SLC24A3: variants seen among roughly 807,000 people sequenced by gnomAD.
SLC24A3 encodes sodium/potassium/calcium exchanger 3.
A neutral mutation model predicts 75.8 loss-of-function variants in SLC24A3; 28 were observed. The observed-to-expected ratio is 0.37, with a 90% CI of 0.27 to 0.51. The LOEUF (loss-of-function observed/expected upper bound fraction) is 0.51, where lower values mean the gene tolerates loss of function less well. Among genes scored for constraint, SLC24A3 ranks in the 20% least tolerant of loss-of-function variants. The probability of loss-of-function intolerance (pLI) is 0.94; values close to 1 mark genes in which losing one functional copy is unlikely to be tolerated. For synonymous variants in SLC24A3, 372 were observed against 334.1 expected (o/e 1.11, Z -1.24); for missense variants, 663 against 847.8 (o/e 0.78, Z 2.71).
intron 6 of SLC24A3, among the ~76,000 whole-genome samples, chr20:19,632,423 C>T (rs1478718884): frequency 6.6e-6 from 1 of 152,126 alleles, no homozygotes; most frequent in East Asian, 1.9e-4. Flanking sequence ...CCTTCCTTGA[C>T]TCGTGGCCTC....
At chr20:19,234,328 G>A (rs189441392) in intron 1 of SLC24A3, among the ~76,000 whole-genome samples, 9 of 152,360 alleles carry the variant, frequency 5.9e-5, no homozygotes, top group African/African-American at 1.9e-4. Context: ...AAGTTGGCAT[G>A]TATTGCCTGT....
chr20:19,528,800 G>T (rs1458418827), intron 3 of SLC24A3, among the ~76,000 whole-genome samples: 3 of 152,114 alleles, frequency 2.0e-5, no homozygotes, highest in African/African-American at 4.8e-5. Flanking sequence ...GGCAGAGGGG[G>T]TATTTTTGGC....
intron 6 of SLC24A3, among the ~76,000 whole-genome samples, chr20:19,644,089 A>C (rs1023928112): frequency 1.3e-5 from 2 of 152,168 alleles, no homozygotes; most frequent in African/African-American, 4.8e-5. Context: ...TTGCTGCTCA[A>C]AATAGATGAA....
chr20:19,347,245 G>A (rs1985449572), intron 2 of SLC24A3, among the ~76,000 whole-genome samples: 1 of 152,206 alleles, frequency 6.6e-6, no homozygotes, highest in Non-Finnish European at 1.5e-5. Context: ...ACTAGGTGGA[G>A]TGTAGAGGGT....
At chr20:19,711,416 GCA>G (rs1197819528) in intron 15 of SLC24A3, among the ~76,000 whole-genome samples, 10 of 146,292 alleles carry the variant, frequency 6.8e-5, no homozygotes, top group African/African-American at 2.5e-4. Flanking sequence ...ACAGGCAAAT[GCA>G]CACACACATG....
intron 1 of SLC24A3, among the ~76,000 whole-genome samples, chr20:19,268,244 G>C (rs1983223866): frequency 6.6e-6 from 1 of 152,142 alleles, no homozygotes; most frequent in Admixed American, 6.5e-5. Context: ...TATGGGATAT[G>C]CTGACAAGTG....
At chr20:19,659,315 G>T (rs1413573418) in intron 7 of SLC24A3, among the ~76,000 whole-genome samples, 1 of 152,188 alleles carries the variant, frequency 6.6e-6, no homozygotes, top group Admixed American at 6.5e-5. Context: ...TCATGGCACC[G>T]AGTGAATGGA....
At chr20:19,717,642 C>T (rs1217128015) in intron 16 of SLC24A3, 49 bp downstream of exon 16, 16 of 1,608,582 alleles carry the variant, frequency 9.9e-6, no homozygotes, top group Admixed American at 1.7e-5. Context: ...GTTCTTTCCT[C>T]CCCTTGGTTT....
At chr20:19,403,110 G>A (rs1600466392) in intron 2 of SLC24A3, among the ~76,000 whole-genome samples, 1 of 152,182 alleles carries the variant, frequency 6.6e-6, no homozygotes, top group South Asian at 2.1e-4. Flanking sequence ...CTCCTATTTT[G>A]AGACATCACA....
intron 6 of SLC24A3, among the ~76,000 whole-genome samples, chr20:19,627,586 G>T (rs1200024616): frequency 6.6e-6 from 1 of 152,044 alleles, no homozygotes; most frequent in African/African-American, 2.4e-5. Context: ...AATATTCTGG[G>T]GTTCAGGGAG....
chr20:19,599,583 T>A (rs2122652122), intron 6 of SLC24A3, among the ~76,000 whole-genome samples: 1 of 152,372 alleles, frequency 6.6e-6, no homozygotes, highest in South Asian at 2.1e-4. Flanking sequence ...ACCCAGGTGC[T>A]CATCTCTGAG....
At chr20:19,677,552 C>T (rs958952974) in intron 9 of SLC24A3, among the ~76,000 whole-genome samples, 1 of 152,096 alleles carries the variant, frequency 6.6e-6, no homozygotes. Flanking sequence ...GCCCCATCCA[C>T]ACCCTATTCA....
At chr20:19,455,266 T>C (rs926793713) in intron 2 of SLC24A3, among the ~76,000 whole-genome samples, 2 of 152,216 alleles carry the variant, frequency 1.3e-5, no homozygotes, top group Admixed American at 6.5e-5. Flanking sequence ...CCATAGACCC[T>C]GATATAGTGT....
At chr20:19,720,059 T>TAAGACAAGAC (rs3059512) in intron 16 of SLC24A3, among the ~76,000 whole-genome samples, 1 of 151,510 alleles carries the variant, frequency 6.6e-6, no homozygotes, top group African/African-American at 2.4e-5. Flanking sequence ...GACACTAAGA[T>TAAGACAAGAC]AAGACAGATG....
chr20:19,553,014 C>T, intron 3 of SLC24A3, among the ~76,000 whole-genome samples: 1 of 149,042 alleles, frequency 6.7e-6, no homozygotes, highest in Non-Finnish European at 1.5e-5. Context: ...TTCCCTCCAT[C>T]CCTCCCTCCT....
chr20:19,684,454 C>T (rs1205336869), intron 11 of SLC24A3, 118 bp downstream of exon 11: 17 of 1,176,544 alleles, frequency 1.4e-5, no homozygotes, highest in East Asian at 2.6e-5. Context: ...ACCGCAGCAT[C>T]CCTCAGCCAT....
At chr20:19,658,857 A>G (rs1161228500) in intron 7 of SLC24A3, among the ~76,000 whole-genome samples, 1 of 152,154 alleles carries the variant, frequency 6.6e-6, no homozygotes, top group Non-Finnish European at 1.5e-5. Context: ...CTCTGCCCCC[A>G]GTGAGCACTT....
intron 3 of SLC24A3, among the ~76,000 whole-genome samples, chr20:19,546,182 A>AAAAAAAAAAAAAAAAC (rs1283634511): frequency 7.1e-6 from 1 of 140,228 alleles, no homozygotes. Context: ...AAAAAAAAAA[A>AAAAAAAAAAAAAAAAC]AAAAAACCAG....
intron 2 of SLC24A3, among the ~76,000 whole-genome samples, chr20:19,335,399 T>G (rs6514992): frequency 0.16 from 24,351 of 152,082 alleles, 4,158 homozygotes; most frequent in African/African-American, 0.41. Flanking sequence ...AATTCAACAG[T>G]TTTTTCGAGG....
Sources: gnomAD v4.1 joint callset for allele counts (sites outside exome capture counted in the v4.1 genomes callset) on GRCh38, gnomAD v4.1.1 for gene constraint, MANE v1.5 for transcripts, NCBI Gene and HGNC (gene_info 2026-07-23, HGNC 2026-07-21) for gene names.